The following ATP4A variants were observed in gnomAD, a reference collection of about 807,000 sequenced individuals.
ATP4A encodes ATPase H+/K+ transporting subunit alpha, also known as potassium-transporting ATPase alpha chain 1.
ATP4A carries 73 observed loss-of-function variants against 112.1 expected under a neutral mutation model. The observed-to-expected ratio is 0.65, with a 90% CI of 0.54 to 0.79. ATP4A has a LOEUF of 0.79. Among genes scored for constraint, ATP4A ranks in the 30% least tolerant of loss-of-function variants. The probability of loss-of-function intolerance (pLI) is 0.00; values close to 1 mark genes in which losing one functional copy is unlikely to be tolerated. For synonymous variants in ATP4A, 588 were observed against 588.9 expected (o/e 1.00, Z 0.02); for missense variants, 1,081 against 1,425.9 (o/e 0.76, Z 3.90).
At chr19:35,562,204 C>T (rs2071674908) in intron 4 of ATP4A, among the ~76,000 whole-genome samples, 1 of 152,136 alleles carries the variant, frequency 6.6e-6, no homozygotes, top group African/African-American at 2.4e-5. Context: ...TTTATGCCCC[C>T]ACCTATGTCC....
chr19:35,563,083 T>C, intron 3 of ATP4A, 126 bp downstream of exon 3: 2 of 817,172 alleles, frequency 2.4e-6, no homozygotes, highest in African/African-American at 2.0e-5. Context: ...TCCCTCTCTC[T>C]ATTTCTCCAT....
intron 4 of ATP4A, among the ~76,000 whole-genome samples, chr19:35,561,711 G>C (rs1348762242): frequency 1.3e-5 from 2 of 151,876 alleles, no homozygotes; most frequent in Non-Finnish European, 2.9e-5. Flanking sequence ...CATGTTTTGT[G>C]TCTCTCTATG....
At position 35,553,066 on chromosome 19, in the gene ATP4A, C is replaced by G. The variant is rs367658345; in HGVS notation, c.2722G>C (p.Asp908His). ...RAQWEDHHLQ[D>H]LQDSYGQEWT... ...TCCTGGCCGTAGCTGTCCTGCAGATCTTGTAGGTGGTGGTCCTCCCACTGC... is the reference window on the plus strand; with the variant it reads ...TCCTGGCCGTAGCTGTCCTGCAGATGTTGTAGGTGGTGGTCCTCCCACTGC... The change falls in exon 18 of 22, where the codon GAT becomes CAT. Residue 908 changes from aspartate (D) to histidine (H), a missense_variant. This residue lies in a region of ATP4A where 219 missense variants were observed against 320.9 expected (regional missense o/e 0.68). Coordinates refer to ENST00000262623, the MANE Select transcript of ATP4A (RefSeq NM_000704.3). 3 of 1,609,292 alleles carry G rather than the reference C, an allele frequency of 1.9e-6. No individual in the cohort carries two copies. Among genetic ancestry groups the G allele is most frequent in the Non-Finnish European group, 1.7e-6 (2 of 1,176,212 alleles).
At position 35,550,509 on chromosome 19, in the gene ATP4A, G is replaced by C. The variant is rs546039558; in HGVS notation, c.*106C>G. On this transcript the variant is annotated 3_prime_UTR_variant, in exon 22 of 22. Coordinates refer to ENST00000262623, the MANE Select transcript of ATP4A (RefSeq NM_000704.3). The surrounding 1 kb of genome is among the most constrained non-coding windows in gnomAD (Gnocchi z 4.1). ...TACAGAAGCAGATACTGGTGGGGCT[G>C]GGACTCTTGGTTGCTCAGATATCTT... 5.7e-5 allele frequency: 83 copies of C among 1,453,948 alleles called. No homozygotes were observed. In the African/African-American group the frequency reaches 1.0e-3, roughly 18 times the overall value. The allele number at this position is 1,453,948 out of a possible 1,614,324, so 90.1% of individuals were successfully genotyped here.
Position 35,563,450 on chromosome 19 carries a change from C to A in ATP4A, c.90G>T (p.Lys30Asn). The change falls in exon 2 of 22, where the codon AAG becomes AAT. Residue 30 changes from lysine to asparagine, a missense_variant. This residue lies in a region of ATP4A where 850 missense variants were observed against 1,068.2 expected (regional missense o/e 0.80). Transcript: ENST00000262623. ...TCTTGCCACCCCCGCCACCCGCCTT[C>A]TTCTTCTTGCTCATCTTGGCAGCCA... Reference protein sequence around the residue: ...GDMAAKMSKKKKAGGGGGKRK... With the variant: ...GDMAAKMSKKNKAGGGGGKRK... The A allele has an allele frequency of 6.2e-7, 1 of 1,612,724 alleles. No individual in the cohort carries two copies. The highest frequency in any genetic ancestry group is 1.3e-5 in the African/African-American group (1 of 74,954).
At position 35,559,052 on chromosome 19, in the gene ATP4A, A is replaced by G; in HGVS notation, c.1196T>C (p.Val399Ala). 1 of 1,614,174 alleles carries G rather than the reference A, an allele frequency of 6.2e-7. No individual in the cohort carries two copies. Among genetic ancestry groups the G allele is most frequent in the Non-Finnish European group, 8.5e-7 (1 of 1,180,024 alleles). The change falls in exon 8 of 22, where the codon GTG becomes GCG. Residue 399 changes from valine to alanine, a missense_variant. Val to Ala is a moderately conservative substitution (Grantham distance 64). Transcript: ENST00000262623. The surrounding 1 kb of genome is among the most constrained non-coding windows in gnomAD (Gnocchi z 4.1). ...GTGGTTGTCAAACCACAGATGGGAC[A>G]CAGTCATGCGGTTCTGAGTGAGAGT... ...TGTLTQNRMT[V>A]SHLWFDNHIH...
In ATP4A at chr19:35,558,660, T is replaced by C; in HGVS notation, c.1282A>G (p.Thr428Ala). Reference sequence around the variant, plus strand: ...AGCACCCGGCACAGCGCCCGCCACGTCTCCGAGGACTGGTCAAACGTCTGC... The same window carrying C: ...AGCACCCGGCACAGCGCCCGCCACGCCTCCGAGGACTGGTCAAACGTCTGC... ...SGQTFDQSSETWRALCRVLTL... is the reference protein window; with the variant it reads ...SGQTFDQSSEAWRALCRVLTL... Residue 428 changes from threonine (T) to alanine (A), a missense_variant, in exon 9 of 22, where the codon ACG becomes GCG. Thr to Ala is a moderately conservative substitution (Grantham distance 58). Around this residue, in one of 3 missense-constraint regions of ATP4A, gnomAD observed 850 missense variants for 1,068.2 expected, o/e 0.80. Transcript: ENST00000262623. The surrounding 1 kb of genome is among the most constrained non-coding windows in gnomAD (Gnocchi z 5.1). The C allele has an allele frequency of 6.2e-7, 1 of 1,602,750 alleles. No individual in the cohort carries two copies. The highest frequency in any genetic ancestry group is 8.5e-7 in the Non-Finnish European group (1 of 1,176,420).
At position 35,563,468 on chromosome 19, in the gene ATP4A, G is replaced by A; in HGVS notation, c.72C>T (p.Ala24=). Residue 24 remains alanine (A), a synonymous_variant, in exon 2 of 22, where the codon GCC becomes GCT. Transcript: ENST00000262623. The part of the protein sequence containing the change: ...LGPGPGGDMA[A]KMSKKKKAGG... The stretch of plus-strand genomic sequence containing the variant: ...CCGCCTTCTTCTTCTTGCTCATCTT[G>A]GCAGCCATGTCCCCGCCAGGGCCAG... 3 of 1,568,054 alleles carry A rather than the reference G, an allele frequency of 1.9e-6. No individual in the cohort carries two copies. The highest frequency in any genetic ancestry group is 2.6e-6 in the Non-Finnish European group (3 of 1,152,792).
In ATP4A at chr19:35,559,435, T is replaced by C. The variant is rs2071653994; in HGVS notation, c.1057-244A>G. Among the ~76,000 whole-genome samples the C allele has an allele frequency of 3.3e-5, 5 of 152,226 alleles. No homozygotes were observed. The highest frequency in any genetic ancestry group is 3.3e-4 in the Admixed American group (5 of 15,286). Reference sequence around the variant, plus strand: ...CTCTGAGCTGTCCCAGCCGAGGTTCTGAAAATTCTCTTCACACAATCAAAA... The same window carrying C: ...CTCTGAGCTGTCCCAGCCGAGGTTCCGAAAATTCTCTTCACACAATCAAAA... On this transcript the variant is annotated intron_variant, in intron 7 of 21. Coordinates refer to ENST00000262623, the MANE Select transcript of ATP4A (RefSeq NM_000704.3). The surrounding 1 kb of genome is among the most constrained non-coding windows in gnomAD (Gnocchi z 4.1).
rs768505859 is a variant in ATP4A, at chr19:35,557,059, CCTT to C, written c.1720_1722del (p.Lys574del). 3.1e-6 allele frequency: 5 copies of C among 1,614,180 alleles called. No individual in the cohort carries two copies. The Admixed American group carries it at 6.7e-5, about 22-fold the overall frequency. Reference sequence around the variant, plus strand: ...TCGAAGGCATAGCCAGGCGGGTAGTCCTTCTCATTCAGGTAGAGCTGGCAGAAG... The same window carrying C: ...TCGAAGGCATAGCCAGGCGGGTAGTCCTCATTCAGGTAGAGCTGGCAGAAG... On this transcript the variant is annotated inframe_deletion, in exon 12 of 22. Coordinates refer to ENST00000262623, the MANE Select transcript of ATP4A (RefSeq NM_000704.3). This position sits in a 1 kb window ranked among gnomAD's most constrained non-coding sequence, Gnocchi z 4.4.
At position 35,559,090 on chromosome 19, in the gene ATP4A, C is replaced by G. The variant is rs780393384; in HGVS notation, c.1158G>C (p.Ser386=). Residue 386 remains serine (S), a synonymous_variant, in exon 8 of 22, where the codon TCG becomes TCC. Transcript: ENST00000262623. The surrounding 1 kb of genome is among the most constrained non-coding windows in gnomAD (Gnocchi z 4.1). ...TCTGAGTGAGAGTCCCTGTCTTGTCCGAGCAGATCACCGAAGTGGAGCCCA... is the reference window on the plus strand; with the variant it reads ...TCTGAGTGAGAGTCCCTGTCTTGTCGGAGCAGATCACCGAAGTGGAGCCCA... ...ETLGSTSVIC[S]DKTGTLTQNR... is the part of the protein sequence containing the mutation. The G allele has an allele frequency of 1.2e-6, 2 of 1,614,182 alleles. No homozygotes were observed. The highest frequency in any genetic ancestry group is 1.1e-5 in the South Asian group (1 of 91,086).
intron 16 of ATP4A, among the ~76,000 whole-genome samples, chr19:35,554,086 T>C (rs2071617070): frequency 6.6e-6 from 1 of 152,202 alleles, no homozygotes; most frequent in Non-Finnish European, 1.5e-5. Flanking sequence ...CTTTCTCTGT[T>C]CCTCACTCTG....
rs765215549 is a variant in ATP4A at position 35,559,007 on chromosome 19, G to C, written c.1241C>G (p.Thr414Arg). ...FDNHIHTADT[T>R]EDQSGQTFDQ... is the part of the protein sequence containing the mutation. ...CTCCCCCACACCTGACTGGTCTTCC[G>C]TGGTGTCAGCTGTGTGGATGTGGTT... is the stretch of plus-strand genomic sequence containing the variant. The change falls in exon 8 of 22, where the codon ACG (threonine) becomes AGG (arginine). Residue 414 changes from threonine (T) to arginine (R), a missense_variant. Thr to Arg is a moderately conservative substitution (Grantham distance 71, BLOSUM62 -1). Around this residue, in one of 3 missense-constraint regions of ATP4A, gnomAD observed 850 missense variants for 1,068.2 expected, o/e 0.80. Transcript: ENST00000262623. The surrounding 1 kb of genome is among the most constrained non-coding windows in gnomAD (Gnocchi z 4.1). 1 of 1,614,166 alleles carries C rather than the reference G, an allele frequency of 6.2e-7. No individual in the cohort carries two copies. The highest frequency in any genetic ancestry group is 8.5e-7 in the Non-Finnish European group (1 of 1,180,026).
intron 4 of ATP4A, 130 bp from the exon 5 acceptor site, chr19:35,561,062 C>T: frequency 8.4e-6 from 6 of 710,156 alleles, no homozygotes; most frequent in East Asian, 2.7e-5. Flanking sequence ...TAGGAAGCTC[C>T]ATGCACCATT....
rs140330053 is a variant in ATP4A, at chr19:35,562,544, G to A, written c.311C>T (p.Ala104Val). 2.0e-5 allele frequency: 32 copies of A among 1,613,168 alleles called. No homozygotes were observed. The African/African-American group carries it at 2.8e-4, about 14-fold the overall frequency. Residue 104 changes from alanine (A) to valine (V), a missense_variant, in exon 4 of 22, where the codon GCG becomes GTG. Ala to Val is a moderately conservative substitution (Grantham distance 64). This residue lies in a region of ATP4A where 850 missense variants were observed against 1,068.2 expected (regional missense o/e 0.80). Transcript: ENST00000262623. The stretch of plus-strand genomic sequence containing the variant: ...CTGCAGGCCCCCGGCCAGCTGCCTC[G>A]CGAACTTGACGTACTCTGGGGTGCC... Reference protein sequence around the residue: ...PRGTPEYVKFARQLAGGLQCL... With the variant: ...PRGTPEYVKFVRQLAGGLQCL...
chr19:35,554,701 C>T (rs1365630364), intron 16 of ATP4A, among the ~76,000 whole-genome samples: 1 of 148,118 alleles, frequency 6.8e-6, no homozygotes, highest in Admixed American at 6.8e-5. Context: ...TCGGCCCGGG[C>T]CTACCTGAGT....
chr19:35,557,403 G>T lies in ATP4A; in HGVS notation c.1693+252C>A, dbSNP rs1489620034. On this transcript the variant is annotated intron_variant, in intron 11 of 21. Transcript: ENST00000262623. This position sits in a 1 kb window ranked among gnomAD's most constrained non-coding sequence, Gnocchi z 4.4. ...GAGGCAGCGAAGTTTAAGGCGTCAG[G>T]ACAAAAATTGGGAGAGGTTAGAGGT... Among the ~76,000 whole-genome samples, 1 of 152,170 alleles carries T rather than the reference G, an allele frequency of 6.6e-6. No homozygotes were observed. Among genetic ancestry groups the T allele is most frequent in the African/African-American group, 2.4e-5 (1 of 41,438 alleles).
chr19:35,554,942 T>C lies in ATP4A; in HGVS notation c.2461A>G (p.Ile821Val). Residue 821 changes from isoleucine (I) to valine (V), a missense_variant, in exon 16 of 22, where the codon ATC becomes GTC. Coordinates refer to ENST00000262623, the MANE Select transcript of ATP4A (RefSeq NM_000704.3). ...LPLGCITILFIELCTDIFPSV... is the reference protein window; with the variant it reads ...LPLGCITILFVELCTDIFPSV... ...CTTACAATGTCAGTGCAGAGTTCGA[T>C]GAAGAGGATGGTGATGCACCCGAGG... The C allele has an allele frequency of 6.2e-7, 1 of 1,614,144 alleles. No homozygotes were observed. The highest frequency in any genetic ancestry group is 8.5e-7 in the Non-Finnish European group (1 of 1,180,020).
At position 35,557,833 on chromosome 19, in the gene ATP4A, C is replaced by T. The variant is rs1222275459; in HGVS notation, c.1515G>A (p.Thr505=). The T allele has an allele frequency of 1.6e-5, 23 of 1,444,080 alleles. No individual in the cohort carries two copies. Among genetic ancestry groups the T allele is most frequent in the Non-Finnish European group, 1.8e-5 (20 of 1,083,568 alleles). 89.5% of individuals were successfully genotyped at this position (1,444,080 alleles called of 1,614,324 possible). ...STNKFQLSIH[T]LEDPRDPRHL... Reference sequence around the variant, plus strand: ...GTCGCGGGTCCCGCGGGTCCTCCAGCGTATGGATGGACAGCTGTGGGCGGG... The same window carrying T: ...GTCGCGGGTCCCGCGGGTCCTCCAGTGTATGGATGGACAGCTGTGGGCGGG... The change falls in exon 11 of 22, where the codon ACG becomes ACA. Residue 505 remains threonine (T), a synonymous_variant. Transcript: ENST00000262623. This position sits in a 1 kb window ranked among gnomAD's most constrained non-coding sequence, Gnocchi z 4.4.
Sources: allele counts gnomAD v4.1 joint callset (sites outside exome capture counted in the v4.1 genomes callset), GRCh38; gene constraint gnomAD v4.1.1; regional missense constraint gnomAD v4.1.1; non-coding constraint Gnocchi (gnomAD v3.1); transcripts MANE v1.5; gene names NCBI Gene and HGNC (gene_info 2026-07-23, HGNC 2026-07-21).